Variants in TFDP2 observed in about 807,000 individuals in gnomAD.
TFDP2 encodes the protein transcription factor Dp-2 (E2F dimerization partner 2).
In TFDP2, 17 loss-of-function variants were observed where a neutral mutation model predicts 59.3. The ratio of observed to expected loss-of-function variants is 0.29; its 90% CI spans 0.20 to 0.43. The LOEUF (loss-of-function observed/expected upper bound fraction) is 0.43, where lower values mean the gene tolerates loss of function less well. Among genes scored for constraint, TFDP2 ranks in the 20% least tolerant of loss-of-function variants. The probability of loss-of-function intolerance (pLI) is 1.00; values close to 1 mark genes in which losing one functional copy is unlikely to be tolerated. For missense variants in TFDP2, 391 were observed against 528.8 expected, an observed-to-expected ratio of 0.74 and a Z score of 2.56; for synonymous variants, 180 against 194.7, an observed-to-expected ratio of 0.92 and a Z score of 0.63.
chr3:142,147,738 G>C (rs902197480), intron 1 of TFDP2, among the ~76,000 whole-genome samples: 1 of 152,148 alleles, frequency 6.6e-6, no homozygotes, highest in African/African-American at 2.4e-5. Flanking sequence ...TCTTAGACTA[G>C]ACTAGTTACA....
chr3:141,956,088 G>T (rs1031237998), intron 11 of TFDP2, among the ~76,000 whole-genome samples: 3 of 152,136 alleles, frequency 2.0e-5, no homozygotes, highest in Non-Finnish European at 4.4e-5. Flanking sequence ...GATCACAGGC[G>T]TAAGCCACCG....
chr3:142,093,051 T>A lies in TFDP2; in HGVS notation c.82+10A>T, dbSNP rs2061050414. 2 of 1,523,488 alleles carry A rather than the reference T, an allele frequency of 1.3e-6. No individual in the cohort carries two copies. Among genetic ancestry groups the A allele is most frequent in the African/African-American group, 1.4e-5 (1 of 72,750 alleles). 94.4% of individuals were successfully genotyped at this position (1,523,488 alleles called of 1,614,324 possible). A position where few individuals can be genotyped will look rare whatever the true frequency, so the allele number is the denominator to read the frequency against. On this transcript the variant is annotated intron_variant, in intron 3 of 12. Coordinates refer to ENST00000489671, the MANE Select transcript of TFDP2 (RefSeq NM_001178139.2). ...CTTAATTCAGAAAAATTTTATTCAA[T>A]AATCCTTACCTTTTGTTGGACTGAG...
chr3:142,114,574 G>A (rs935811688), intron 1 of TFDP2, among the ~76,000 whole-genome samples: 1 of 151,766 alleles, frequency 6.6e-6, no homozygotes, highest in Non-Finnish European at 1.5e-5. Context: ...GATGGAGATC[G>A]TGAAATTTTA....
intron 4 of TFDP2, among the ~76,000 whole-genome samples, chr3:141,997,230 T>C (rs1511299): frequency 0.2 from 29,677 of 152,130 alleles, 3,290 homozygotes; most frequent in Non-Finnish European, 0.26. Flanking sequence ...AAATACTCAA[T>C]TTTTAAAATA....
intron 6 of TFDP2, among the ~76,000 whole-genome samples, chr3:141,981,074 A>G (rs1941437893): frequency 6.6e-6 from 1 of 152,136 alleles, no homozygotes; most frequent in Non-Finnish European, 1.5e-5. Context: ...ACTCACCCAG[A>G]GCAACTTCCA....
chr3:142,094,305 CTT>C (rs34185822), intron 2 of TFDP2, among the ~76,000 whole-genome samples: 19 of 138,678 alleles, frequency 1.4e-4, no homozygotes, highest in East Asian at 2.1e-4. Flanking sequence ...TCAAACTGTA[CTT>C]TTTTTTTTTT....
chr3:141,989,560 G>C (rs1433492108), intron 6 of TFDP2: 2 of 152,214 alleles, frequency 1.3e-5, no homozygotes, highest in African/African-American at 4.8e-5. Flanking sequence ...GTATGGAGGT[G>C]GGATAAGAGG....
Position 142,149,373 on chromosome 3 carries a change from G to A in TFDP2, c.-283C>T. On this transcript the variant is annotated 5_prime_UTR_variant, in exon 1 of 13. Coordinates refer to ENST00000489671, the MANE Select transcript of TFDP2 (RefSeq NM_001178139.2). ...TTTGAGGCCCCAGAACGCCAACCGT[G>A]CGCGCGCCCTCGAGCCTGCCCAAAG... The A allele has an allele frequency of 5.1e-6, 2 of 389,870 alleles. No individual in the cohort carries two copies. Among genetic ancestry groups the A allele is most frequent in the Non-Finnish European group, 9.1e-6 (2 of 220,826 alleles). 24.2% of individuals were successfully genotyped at this position (389,870 alleles called of 1,614,324 possible). A position where few individuals can be genotyped will look rare whatever the true frequency, so the allele number is the denominator to read the frequency against.
In TFDP2 at chr3:141,959,565, C is replaced by T. The variant is rs574687073; in HGVS notation, c.1051+109G>A. 6.5e-5 allele frequency: 79 copies of T among 1,209,838 alleles called. No individual in the cohort carries two copies. The African/African-American group carries it at 1.0e-3, about 16-fold the overall frequency. 74.9% of individuals were successfully genotyped at this position (1,209,838 alleles called of 1,614,324 possible). Reference sequence around the variant, plus strand: ...AGTGTTAAAGGTTTCAGTTTGTCGACACAAGCACAGATGTTCTAAAATTTT... The same window carrying T: ...AGTGTTAAAGGTTTCAGTTTGTCGATACAAGCACAGATGTTCTAAAATTTT... On this transcript the variant is annotated intron_variant, in intron 11 of 12. Transcript: ENST00000489671.
chr3:142,140,737 C>T (rs2062918550), intron 1 of TFDP2, among the ~76,000 whole-genome samples: 1 of 152,182 alleles, frequency 6.6e-6, no homozygotes. Context: ...TTATTGCTGC[C>T]TGATCCTTCC....
At chr3:142,006,315 A>T (rs779649173) in intron 3 of TFDP2, among the ~76,000 whole-genome samples, 1 of 152,172 alleles carries the variant, frequency 6.6e-6, no homozygotes, top group African/African-American at 2.4e-5. Flanking sequence ...ATCAAAGGAG[A>T]TCATCCATGA....
At chr3:142,051,111 T>C (rs1376766577) in intron 3 of TFDP2, among the ~76,000 whole-genome samples, 1 of 152,214 alleles carries the variant, frequency 6.6e-6, no homozygotes, top group Non-Finnish European at 1.5e-5. Flanking sequence ...ACCTTGGCAC[T>C]ACTGACATTT....
intron 3 of TFDP2, among the ~76,000 whole-genome samples, chr3:142,041,926 T>C (rs1412898546): frequency 6.6e-6 from 1 of 152,244 alleles, no homozygotes. Flanking sequence ...CATTCTTCCA[T>C]TAAACTGTCT....
At chr3:142,146,681 AC>A (rs1341104332) in intron 1 of TFDP2, among the ~76,000 whole-genome samples, 1 of 152,208 alleles carries the variant, frequency 6.6e-6, no homozygotes, top group African/African-American at 2.4e-5. Flanking sequence ...ACTAGTTAAT[AC>A]CTAATTTGGG....
chr3:141,972,936 T>C (rs11569233), intron 8 of TFDP2, among the ~76,000 whole-genome samples: 11,131 of 151,630 alleles, frequency 0.073, 499 homozygotes, highest in Non-Finnish European at 0.11. Flanking sequence ...AAGGAGGATA[T>C]TTCCACTGTA....
chr3:142,082,816 A>C lies in TFDP2; in HGVS notation c.82+10245T>G, dbSNP rs551636903. On this transcript the variant is annotated intron_variant, in intron 3 of 12. Coordinates refer to ENST00000489671, the MANE Select transcript of TFDP2 (RefSeq NM_001178139.2). ...GCTGAAAAAGCATTTGATAAAATTC[A>C]ACATCGCTTCATGATACAATCCCTA... is the stretch of plus-strand genomic sequence containing the variant. Among the ~76,000 whole-genome samples, 10 of 152,356 alleles carry C rather than the reference A, an allele frequency of 6.6e-5. 1 individual carries two copies. The highest frequency in any genetic ancestry group is 2.4e-4 in the African/African-American group (10 of 41,584).
At chr3:142,010,411 C>A (rs1944565620) in intron 3 of TFDP2, among the ~76,000 whole-genome samples, 1 of 152,066 alleles carries the variant, frequency 6.6e-6, no homozygotes, top group Non-Finnish European at 1.5e-5. Flanking sequence ...GAGTTCGACA[C>A]CAGCTTGGCC....
At chr3:142,129,593 T>G (rs1028553385) in intron 1 of TFDP2, among the ~76,000 whole-genome samples, 4 of 152,074 alleles carry the variant, frequency 2.6e-5, no homozygotes, top group Admixed American at 1.3e-4. Flanking sequence ...AAAGAACCCC[T>G]ATAATGCAAC....
intron 9 of TFDP2, among the ~76,000 whole-genome samples, chr3:141,966,504 T>C (rs1321807874): frequency 2.6e-5 from 4 of 152,012 alleles, no homozygotes; most frequent in Non-Finnish European, 5.9e-5. Flanking sequence ...GTCACAAATT[T>C]CATATACCAT....
Sources: allele counts gnomAD v4.1 joint callset (sites outside exome capture counted in the v4.1 genomes callset), GRCh38; gene constraint gnomAD v4.1.1; transcripts MANE v1.5; gene names NCBI Gene and HGNC (gene_info 2026-07-23, HGNC 2026-07-21).